CACNA1D: variants seen among roughly 807,000 people sequenced by gnomAD.
CACNA1D encodes the protein voltage-dependent L-type calcium channel subunit alpha-1D.
CACNA1D carries 55 observed loss-of-function variants against 257.1 expected under a neutral mutation model. The observed-to-expected ratio is 0.21, with a 90% CI of 0.17 to 0.27. The LOEUF (loss-of-function observed/expected upper bound fraction) is 0.27, where lower values mean the gene tolerates loss of function less well. CACNA1D is among the 10% of genes least tolerant of loss of function. The pLI, the probability that CACNA1D is intolerant of heterozygous loss-of-function variation, is 1.00. For missense variants in CACNA1D, 1,876 were observed against 2,784.0 expected (o/e 0.67, Z 7.34); for synonymous variants, 980 against 1,014.9 (o/e 0.97, Z 0.65).
chr3:53,496,986 G>T (rs2090379253), intron 1 of CACNA1D, among the ~76,000 whole-genome samples, 166 bp from the exon 2 acceptor site: 1 of 152,110 alleles, frequency 6.6e-6, no homozygotes, highest in Non-Finnish European at 1.5e-5. Flanking sequence ...TGACTCTCCA[G>T]CTGACTAAAG....
intron 26 of CACNA1D, among the ~76,000 whole-genome samples, chr3:53,748,284 C>T (rs771269349): frequency 5.3e-5 from 8 of 152,220 alleles, no homozygotes; most frequent in East Asian, 1.9e-4. Flanking sequence ...CCTGGATACC[C>T]GGTCCCCATG....
chr3:53,693,182 T>C (rs2094543469), intron 8 of CACNA1D, among the ~76,000 whole-genome samples: 1 of 152,254 alleles, frequency 6.6e-6, no homozygotes, highest in Admixed American at 6.5e-5. Flanking sequence ...CTGTGTTTCA[T>C]GACTGCTGCT....
chr3:53,578,027 C>T (rs1358639152), intron 3 of CACNA1D, among the ~76,000 whole-genome samples: 6 of 152,076 alleles, frequency 3.9e-5, no homozygotes, highest in East Asian at 1.9e-4. Context: ...TCAAAAATTA[C>T]GTATGGAGCC....
intron 3 of CACNA1D, among the ~76,000 whole-genome samples, chr3:53,550,153 G>T (rs541390095): frequency 5.3e-5 from 8 of 152,320 alleles, no homozygotes; most frequent in African/African-American, 1.9e-4. Context: ...AGTGAGGAGA[G>T]CTGGGGATGC....
In CACNA1D at chr3:53,735,380, C is replaced by T. The variant is rs758407615; in HGVS notation, c.2628C>T (p.Arg876=). 6.8e-6 allele frequency: 11 copies of T among 1,613,926 alleles called. No individual in the cohort carries two copies. The highest frequency in any genetic ancestry group is 2.7e-5 in the African/African-American group (2 of 74,940). Residue 876 remains arginine, a synonymous_variant, in exon 20 of 48, where the codon CGC becomes CGT. Coordinates refer to ENST00000350061, the MANE Select transcript of CACNA1D (RefSeq NM_001128840.3). Reference sequence around the variant, plus strand: ...CAGCGGCTTTTCCCTGCAGGATCCGCGTAGGCTGCCACAAGCTCATCAACC... The same window carrying T: ...CAGCGGCTTTTCCCTGCAGGATCCGTGTAGGCTGCCACAAGCTCATCAACC... The part of the protein sequence containing the change: ...FFILSKTNPI[R]VGCHKLINHH...
intron 8 of CACNA1D, among the ~76,000 whole-genome samples, chr3:53,688,828 G>T (rs2094495330): frequency 6.6e-6 from 1 of 152,200 alleles, no homozygotes; most frequent in South Asian, 2.1e-4. Flanking sequence ...CCTGCTGGCA[G>T]TTTTGGGCCT....
chr3:53,718,601 C>CCCCCCCCCAAA, intron 10 of CACNA1D: 3 of 1,103,186 alleles, frequency 2.7e-6, no homozygotes, highest in Non-Finnish European at 4.0e-6. Flanking sequence ...CCCCCCGGCC[C>CCCCCCCCCAAA]AGCATTTCAC....
chr3:53,725,539 C>A (rs1399721988), intron 14 of CACNA1D, among the ~76,000 whole-genome samples: 3 of 152,176 alleles, frequency 2.0e-5, no homozygotes, highest in African/African-American at 7.2e-5. Flanking sequence ...CAAGTGCTCT[C>A]CTTATGGTTG....
chr3:53,782,104 T>A (rs1375586801), intron 39 of CACNA1D, among the ~76,000 whole-genome samples: 1 of 151,934 alleles, frequency 6.6e-6, no homozygotes, highest in Non-Finnish European at 1.5e-5. Flanking sequence ...CAAGACTGAA[T>A]TTACTACCGT....
intron 20 of CACNA1D, among the ~76,000 whole-genome samples, chr3:53,736,953 C>T (rs187929878): frequency 6.6e-6 from 1 of 151,426 alleles, no homozygotes; most frequent in Admixed American, 6.6e-5. Context: ...ATCCAGTTAG[C>T]CCTCTGTATC....
chr3:53,740,920 A>G (rs756727282), intron 21 of CACNA1D, among the ~76,000 whole-genome samples: 1 of 152,090 alleles, frequency 6.6e-6, no homozygotes, highest in South Asian at 2.1e-4. Context: ...GTAACACACT[A>G]TTTTCTTGCA....
At chr3:53,623,335 G>T (rs2093720115) in intron 3 of CACNA1D, among the ~76,000 whole-genome samples, 1 of 152,216 alleles carries the variant, frequency 6.6e-6, no homozygotes, top group Admixed American at 6.5e-5. Context: ...ATGTGTCAGG[G>T]TTTAGGGGTT....
intron 3 of CACNA1D, among the ~76,000 whole-genome samples, chr3:53,602,825 G>A (rs755121064): frequency 2.0e-5 from 3 of 152,014 alleles, no homozygotes; most frequent in African/African-American, 4.8e-5. Context: ...AGTTGTCTGA[G>A]CTCCTTATAT....
chr3:53,780,428 A>G (rs1012103393), intron 38 of CACNA1D, among the ~76,000 whole-genome samples: 1 of 152,254 alleles, frequency 6.6e-6, no homozygotes, highest in African/African-American at 2.4e-5. Flanking sequence ...CGAAGCCATC[A>G]CAAATGAACT....
At chr3:53,640,881 G>A (rs946181342) in intron 3 of CACNA1D, among the ~76,000 whole-genome samples, 6 of 152,168 alleles carry the variant, frequency 3.9e-5, no homozygotes, top group Non-Finnish European at 7.3e-5. Flanking sequence ...GGGGATGGGG[G>A]TTAGAAGCAG....
chr3:53,680,069 G>A (rs1476689167), intron 8 of CACNA1D, among the ~76,000 whole-genome samples: 3 of 152,298 alleles, frequency 2.0e-5, no homozygotes, highest in South Asian at 2.1e-4. Context: ...GGTGCTGTTG[G>A]TACCATGGTA....
chr3:53,651,982 T>C (rs1006670766), intron 4 of CACNA1D, among the ~76,000 whole-genome samples: 1 of 152,130 alleles, frequency 6.6e-6, no homozygotes, highest in African/African-American at 2.4e-5. Flanking sequence ...AATTGCCCAG[T>C]GGGACAATTA....
intron 45 of CACNA1D, chr3:53,807,935 T>G (rs996576815): frequency 2.6e-5 from 4 of 152,710 alleles, no homozygotes; most frequent in African/African-American, 9.7e-5. Flanking sequence ...TTAAAACAGG[T>G]GTAAACACAG....
chr3:53,592,920 CT>C (rs1273549228), intron 3 of CACNA1D, among the ~76,000 whole-genome samples: 2 of 152,194 alleles, frequency 1.3e-5, no homozygotes, highest in African/African-American at 4.8e-5. Context: ...AACTCCTGAC[CT>C]CAGGTGATCT....
Sources: gnomAD v4.1 joint callset for allele counts (sites outside exome capture counted in the v4.1 genomes callset) on GRCh38, gnomAD v4.1.1 for gene constraint, MANE v1.5 for transcripts, NCBI Gene and HGNC (gene_info 2026-07-23, HGNC 2026-07-21) for gene names.